The following SGCD variants were observed in gnomAD, a reference collection of about 807,000 sequenced individuals.
SGCD encodes the protein sarcoglycan delta, also known as delta-sarcoglycan.
SGCD carries 18 observed loss-of-function variants against 36.6 expected under a neutral mutation model. The ratio of observed to expected loss-of-function variants is 0.49; its 90% CI spans 0.34 to 0.73. The LOEUF (loss-of-function observed/expected upper bound fraction) is 0.73, where lower values mean the gene tolerates loss of function less well. Among genes scored for constraint, SGCD ranks in the 30% least tolerant of loss-of-function variants. The pLI is 0.01. For synonymous variants in SGCD, 133 were observed against 130.6 expected (o/e 1.02, Z -0.12); for missense variants, 387 against 346.7 (o/e 1.12, Z -0.92).
chr5:156,408,913 AG>A lies in SGCD; in HGVS notation c.192+64242del, dbSNP rs1029924135. Among the ~76,000 whole-genome samples, 23 of 152,240 alleles carry A rather than the reference AG, an allele frequency of 1.5e-4. 2 individuals are homozygous for A. The highest frequency in any genetic ancestry group is 3.4e-3 in the Middle Eastern group (1 of 294). On this transcript the variant is annotated intron_variant, in intron 3 of 8. Transcript: ENST00000337851. ...AGTCTCAGTTTTCACACCTATATAA[AG>A]GGGGGTAATAGCCCCTCTTTGCTCA...
intron 3 of SGCD, among the ~76,000 whole-genome samples, chr5:156,470,486 C>T (rs1425563541): frequency 6.6e-6 from 1 of 151,984 alleles, no homozygotes; most frequent in East Asian, 1.9e-4. Flanking sequence ...AATGCTATCC[C>T]TCCCCCCTAC....
At chr5:156,600,659 G>A (rs554675772) in intron 6 of SGCD, among the ~76,000 whole-genome samples, 1 of 152,190 alleles carries the variant, frequency 6.6e-6, no homozygotes, top group East Asian at 1.9e-4. Flanking sequence ...TCTCTTTGAT[G>A]TATTGATTTC....
At chr5:155,754,808 A>G in the SGCD span, among the ~76,000 whole-genome samples, 1 of 152,236 alleles carries the variant, frequency 6.6e-6, no homozygotes, top group Non-Finnish European at 1.5e-5. Context: ...TTTTATGCAT[A>G]GTAGTAGTTG....
intron 3 of SGCD, among the ~76,000 whole-genome samples, chr5:156,410,999 A>G (rs1242110340): frequency 2.0e-5 from 3 of 152,176 alleles, no homozygotes; most frequent in Admixed American, 6.5e-5. Flanking sequence ...AGTCTTTCAC[A>G]TTTATTGTAT....
chr5:156,017,685 G>C (rs1197131995), intron 1 of SGCD, among the ~76,000 whole-genome samples: 1 of 151,900 alleles, frequency 6.6e-6, no homozygotes, highest in African/African-American at 2.4e-5. Flanking sequence ...ATAGTCTCTA[G>C]TTCAGTAACA....
chr5:155,892,831 G>T lies in SGCD; in HGVS notation c.-282+22407G>T, dbSNP rs867192430. Among the ~76,000 whole-genome samples the T allele has an allele frequency of 2.0e-5, 3 of 152,256 alleles. No individual in the cohort carries two copies. In the Middle Eastern group the frequency reaches 0.01, roughly 518 times the overall value. ...CATTCATCCACTGATGGACAGTAAG[G>T]TTGATTAAGTAAAGTACGCCAGACA... On this transcript the variant is annotated intron_variant, in intron 1 of 9. Coordinates refer to the SGCD transcript ENST00000517913.
intron 3 of SGCD, among the ~76,000 whole-genome samples, chr5:156,254,229 T>G (rs1321528247): frequency 6.6e-6 from 1 of 152,194 alleles, no homozygotes; most frequent in Admixed American, 6.5e-5. Flanking sequence ...GCTCTAGACA[T>G]TTTTAAAAAT....
intron 1 of SGCD, among the ~76,000 whole-genome samples, chr5:156,079,279 G>A (rs185854921): frequency 6.6e-6 from 1 of 152,256 alleles, no homozygotes; most frequent in East Asian, 1.9e-4. Flanking sequence ...CCTCCCACCA[G>A]GCCCCACCTC....
chr5:156,419,357 T>TG (rs1773197951), intron 3 of SGCD, among the ~76,000 whole-genome samples: 1 of 152,168 alleles, frequency 6.6e-6, no homozygotes, highest in Non-Finnish European at 1.5e-5. Context: ...GTACAGCCTA[T>TG]GGTCATCTTC....
At chr5:156,736,876 C>T (rs1756397846) in intron 7 of SGCD, among the ~76,000 whole-genome samples, 1 of 152,122 alleles carries the variant, frequency 6.6e-6, no homozygotes, top group Non-Finnish European at 1.5e-5. Flanking sequence ...TTCACATAAT[C>T]CCCCAGCTAA....
At chr5:155,978,777 G>A (rs1758171605) in intron 1 of SGCD, among the ~76,000 whole-genome samples, 1 of 151,744 alleles carries the variant, frequency 6.6e-6, no homozygotes, top group Non-Finnish European at 1.5e-5. Flanking sequence ...TCAGGAGCAG[G>A]GCCATTTCTT....
upstream of SGCD, chr5:156,326,992 C>G (rs1004569772): frequency 2.0e-5 from 3 of 152,258 alleles, no homozygotes; most frequent in Non-Finnish European, 2.9e-5. Flanking sequence ...TATTGAAGTA[C>G]GGAGTACGGT....
At chr5:156,612,853 C>A (rs1283012812) in intron 6 of SGCD, among the ~76,000 whole-genome samples, 1 of 152,156 alleles carries the variant, frequency 6.6e-6, no homozygotes, top group Non-Finnish European at 1.5e-5. Flanking sequence ...GTGGAGAGTC[C>A]TACTTTGGGG....
At chr5:156,724,668 A>T (rs1374099114) in intron 7 of SGCD, among the ~76,000 whole-genome samples, 1 of 151,998 alleles carries the variant, frequency 6.6e-6, no homozygotes, top group Non-Finnish European at 1.5e-5. Flanking sequence ...CTTTCTAAAG[A>T]CTTATTATGG....
chr5:156,746,610 C>G, intron 7 of SGCD, among the ~76,000 whole-genome samples: 1 of 152,168 alleles, frequency 6.6e-6, no homozygotes, highest in East Asian at 1.9e-4. Context: ...ACAAAAACAT[C>G]AGTGCTGTTC....
At chr5:156,002,263 G>A (rs948499340) in intron 1 of SGCD, among the ~76,000 whole-genome samples, 1 of 152,272 alleles carries the variant, frequency 6.6e-6, no homozygotes, top group Non-Finnish European at 1.5e-5. Context: ...GGAAGACCAC[G>A]TGATGGCACA....
chr5:156,254,409 TA>T (rs1355166099), intron 3 of SGCD, among the ~76,000 whole-genome samples: 1 of 152,244 alleles, frequency 6.6e-6, no homozygotes, highest in East Asian at 1.9e-4. Context: ...TAGTCGTTTT[TA>T]AAGCATGCCA....
chr5:156,024,127 G>A lies in SGCD; in HGVS notation c.-281-93751G>A, dbSNP rs563227311. On this transcript the variant is annotated intron_variant, in intron 1 of 9. Coordinates refer to the SGCD transcript ENST00000517913. ...GCAGCGTAAGTATCGGAAGGTATAG[G>A]AAGCTGAGTCATTTCAGACCTTTCT... Among the ~76,000 whole-genome samples, 38 of 152,258 alleles carry A rather than the reference G, an allele frequency of 2.5e-4. 1 individual carries two copies. The highest frequency in any genetic ancestry group is 8.9e-4 in the African/African-American group (37 of 41,520).
the SGCD span, among the ~76,000 whole-genome samples, chr5:155,773,877 G>A: frequency 5.9e-5 from 9 of 152,106 alleles, no homozygotes; most frequent in East Asian, 1.9e-4. Flanking sequence ...TGATGTCACC[G>A]GAGCACAGGA....
Sources: allele counts gnomAD v4.1 joint callset (sites outside exome capture counted in the v4.1 genomes callset), GRCh38; gene constraint gnomAD v4.1.1; transcripts MANE v1.5; gene names NCBI Gene and HGNC (gene_info 2026-07-23, HGNC 2026-07-21).